VIPR2: variants seen among roughly 807,000 people sequenced by gnomAD.
VIPR2 encodes the protein vasoactive intestinal peptide receptor 2, also known as vasoactive intestinal polypeptide receptor 2.
In VIPR2, 48 loss-of-function variants were observed where a neutral mutation model predicts 58.0. The observed-to-expected ratio is 0.83, with a 90% CI of 0.66 to 1.05. The LOEUF (loss-of-function observed/expected upper bound fraction) is 1.05, where lower values mean the gene tolerates loss of function less well. VIPR2 is among the 50% of genes least tolerant of loss of function. VIPR2 has a pLI of 0.00. For synonymous variants in VIPR2, 243 were observed against 235.2 expected (o/e 1.03, Z -0.30); for missense variants, 534 against 558.0 (o/e 0.96, Z 0.43).
At chr7:159,111,322 C>T (rs1245119064) in intron 2 of VIPR2, among the ~76,000 whole-genome samples, 1 of 152,192 alleles carries the variant, frequency 6.6e-6, no homozygotes, top group East Asian at 1.9e-4. Flanking sequence ...CAAGCTCTGG[C>T]AGTTTCGTGT....
intron 2 of VIPR2, among the ~76,000 whole-genome samples, chr7:159,124,823 T>C (rs1796597372): frequency 6.6e-6 from 1 of 152,212 alleles, no homozygotes; most frequent in African/African-American, 2.4e-5. Flanking sequence ...AGCAGTGTTT[T>C]ATAATTCTCA....
intron 2 of VIPR2, among the ~76,000 whole-genome samples, chr7:159,119,852 C>T (rs1226056827): frequency 7.9e-6 from 1 of 126,004 alleles, no homozygotes; most frequent in Non-Finnish European, 1.8e-5. Flanking sequence ...AAACACCTGT[C>T]CCCCTTGATG....
chr7:159,050,529 T>G (rs1854936216), intron 5 of VIPR2, among the ~76,000 whole-genome samples: 1 of 151,998 alleles, frequency 6.6e-6, no homozygotes, highest in African/African-American at 2.4e-5. Context: ...TTAAAAAACC[T>G]TGAAATTAAG....
chr7:159,037,293 C>T (rs566461817), intron 6 of VIPR2, among the ~76,000 whole-genome samples: 253 of 152,334 alleles, frequency 1.7e-3, no homozygotes, highest in African/African-American at 6.0e-3. Context: ...CCGCAGTGGT[C>T]CTGCCGGCCA....
chr7:159,032,211 A>G, intron 10 of VIPR2, 144 bp from the exon 11 acceptor site: 1 of 1,183,868 alleles, frequency 8.4e-7, no homozygotes, highest in South Asian at 1.6e-5. Flanking sequence ...GCCCAACAAG[A>G]AAAACCACTG....
intron 2 of VIPR2, among the ~76,000 whole-genome samples, chr7:159,112,495 T>G (rs1359219885): frequency 1.3e-5 from 2 of 152,198 alleles, no homozygotes; most frequent in African/African-American, 4.8e-5. Flanking sequence ...GCCAAAAATT[T>G]GAAAGGGCAG....
chr7:159,144,467 C>T (rs1028762130), intron 1 of VIPR2: 58 of 1,540,642 alleles, frequency 3.8e-5, no homozygotes, highest in Non-Finnish European at 4.7e-5. Context: ...CCAGCAAACC[C>T]CGGACGGTGG....
intron 4 of VIPR2, among the ~76,000 whole-genome samples, chr7:159,101,657 C>T (rs1263719027): frequency 1.2e-4 from 18 of 145,248 alleles, no homozygotes; most frequent in Admixed American, 5.5e-4. Context: ...GCCGTTCCCC[C>T]GACTGTTCCT....
chr7:159,144,531 G>A (rs1288487307), intron 1 of VIPR2, 190 bp downstream of exon 1: 2 of 1,517,276 alleles, frequency 1.3e-6, no homozygotes, highest in Non-Finnish European at 1.8e-6. Context: ...AACCCGGCGG[G>A]ACCGGAGCTC....
Position 159,030,461 on chromosome 7 carries a change from A to C in VIPR2, c.*155T>G. 1.2e-6 allele frequency: 1 copy of C among 803,124 alleles called. No homozygotes were observed. The highest frequency in any genetic ancestry group is 1.8e-6 in the Non-Finnish European group (1 of 549,786). The allele number at this position is 803,124 out of a possible 1,614,324, so 49.7% of individuals were successfully genotyped here. ...TGACAACACGACTCCAATTCCAGGT[A>C]TGGGGTTTAGTGGACAACCAGCTTG... On this transcript the variant is annotated 3_prime_UTR_variant, in exon 13 of 13. Transcript: ENST00000262178.
Position 159,034,695 on chromosome 7 carries a change from G to A in VIPR2, c.810-45C>T, listed in dbSNP as rs41271229. ...AATCAGGTTACCACCAACCACTTTC[G>A]CAAGACAGGTACAGAAGAATGAGCG... On this transcript the variant is annotated intron_variant, in intron 8 of 12. Coordinates refer to ENST00000262178, the MANE Select transcript of VIPR2 (RefSeq NM_003382.5). 3.7e-3 allele frequency: 5,746 copies of A among 1,560,872 alleles called. 220 individuals are homozygous for A. In the South Asian group the frequency reaches 0.061, roughly 17 times the overall value.
intron 2 of VIPR2, among the ~76,000 whole-genome samples, chr7:159,112,950 G>A (rs946400960): frequency 6.6e-6 from 1 of 151,764 alleles, no homozygotes; most frequent in Non-Finnish European, 1.5e-5. Flanking sequence ...CCCAACCGAG[G>A]ACCCCGACTG....
chr7:159,113,706 C>T (rs1796128491), intron 2 of VIPR2, among the ~76,000 whole-genome samples: 1 of 152,150 alleles, frequency 6.6e-6, no homozygotes, highest in African/African-American at 2.4e-5. Flanking sequence ...TGTGGCTCAA[C>T]TGTGATGGCA....
At chr7:159,061,115 CAATT>C (rs2129494106) in intron 4 of VIPR2, among the ~76,000 whole-genome samples, 1 of 152,184 alleles carries the variant, frequency 6.6e-6, no homozygotes, top group South Asian at 2.1e-4. Flanking sequence ...CATCCTAAGC[CAATT>C]AGCACAGCAA....
rs1585311752 is a variant in VIPR2, at chr7:159,028,512, C to T, written c.*2104G>A. On this transcript the variant is annotated 3_prime_UTR_variant, in exon 13 of 13. Coordinates refer to ENST00000262178, the MANE Select transcript of VIPR2 (RefSeq NM_003382.5). ...CCACTCACGCCCACTTCCTCAGCGT[C>T]CCCTCTGGGTCACAGCTCAGTGTCG... 1 of 152,454 alleles carries T rather than the reference C, an allele frequency of 6.6e-6. No homozygotes were observed. Among genetic ancestry groups the T allele is most frequent in the African/African-American group, 2.4e-5 (1 of 41,482 alleles). 9.4% of individuals were successfully genotyped at this position (152,454 alleles called of 1,614,324 possible).
intron 4 of VIPR2, among the ~76,000 whole-genome samples, chr7:159,081,489 A>G (rs934045136): frequency 2.7e-4 from 41 of 152,384 alleles, no homozygotes; most frequent in African/African-American, 8.9e-4. Flanking sequence ...AAAGACTTAC[A>G]TGTTAGACCT....
In VIPR2 at chr7:159,144,764, G is replaced by C. The variant is rs1368679734; in HGVS notation, c.8C>G (p.Thr3Arg). Residue 3 changes from threonine (T) to arginine (R), a missense_variant, in exon 1 of 13, where the codon ACG (threonine) becomes AGG (arginine). By Grantham distance (71) the Thr-to-Arg change is moderately conservative. Around this residue, in one of 3 missense-constraint regions of VIPR2, gnomAD observed 224 missense variants for 255.7 expected, o/e 0.88. Transcript: ENST00000262178. MR[T>R]LLPPALLTCW... ...GGTCAGCAGCGCGGGAGGCAGCAGC[G>C]TCCGCATCCCGAGCTCAGCGTGCCG... 43 of 1,259,628 alleles carry C rather than the reference G, an allele frequency of 3.4e-5. No individual in the cohort carries two copies. The highest frequency in any genetic ancestry group is 4.1e-5 in the Non-Finnish European group (41 of 1,004,158). 78.0% of individuals were successfully genotyped at this position (1,259,628 alleles called of 1,614,324 possible).
intron 4 of VIPR2, 102 bp from the exon 5 acceptor site, chr7:159,058,680 T>C (rs779142402): frequency 2.3e-6 from 2 of 882,024 alleles, no homozygotes; most frequent in Non-Finnish European, 3.6e-6. Context: ...CATGAAGGAC[T>C]CTTGCCTGCC....
At position 159,095,802 on chromosome 7, in the gene VIPR2, A is replaced by T. The variant is rs1585479689; in HGVS notation, c.357+7955T>A. Among the ~76,000 whole-genome samples, 1 of 140,754 alleles carries T rather than the reference A, an allele frequency of 7.1e-6. No homozygotes were observed. Among genetic ancestry groups the T allele is most frequent in the Non-Finnish European group, 1.5e-5 (1 of 66,178 alleles). 92.3% of individuals were successfully genotyped at this position (140,754 alleles called of 152,430 possible). Reference sequence around the variant, plus strand: ...CAGGCAGTAGGTGAATCCCTTCAAAACTCTTCCTTCTCTCTTTTTTTTTTA... The same window carrying T: ...CAGGCAGTAGGTGAATCCCTTCAAATCTCTTCCTTCTCTCTTTTTTTTTTA... On this transcript the variant is annotated intron_variant, in intron 4 of 12. Coordinates refer to ENST00000262178, the MANE Select transcript of VIPR2 (RefSeq NM_003382.5). The surrounding 1 kb of genome is among the most constrained non-coding windows in gnomAD (Gnocchi z 5.2).
Sources: gnomAD v4.1 joint callset for allele counts (sites outside exome capture counted in the v4.1 genomes callset) on GRCh38, gnomAD v4.1.1 for gene constraint, gnomAD v4.1.1 regional missense constraint, Gnocchi (gnomAD v3.1) non-coding constraint, MANE v1.5 for transcripts, NCBI Gene and HGNC (gene_info 2026-07-23, HGNC 2026-07-21) for gene names.